ACSL3: variants seen among roughly 807,000 people sequenced by gnomAD.
ACSL3 encodes acyl-CoA synthetase long chain family member 3.
In ACSL3, 34 loss-of-function variants were observed where a neutral mutation model predicts 84.7. The ratio of observed to expected loss-of-function variants is 0.40; its 90% CI spans 0.31 to 0.53. The LOEUF is 0.53. Among genes scored for constraint, ACSL3 ranks in the 20% least tolerant of loss-of-function variants. ACSL3 has a pLI of 0.48. For missense variants in ACSL3, 680 were observed against 873.1 expected, an observed-to-expected ratio of 0.78 and a Z score of 2.79; for synonymous variants, 315 against 299.4, an observed-to-expected ratio of 1.05 and a Z score of -0.54.
At chr2:222,936,834 A>G (rs1697183660) in intron 16 of ACSL3, among the ~76,000 whole-genome samples, 1 of 152,046 alleles carries the variant, frequency 6.6e-6, no homozygotes, top group Admixed American at 6.6e-5. Context: ...GACATCTTAC[A>G]TGGCGGCAGG....
chr2:222,887,398 G>A (rs1002715132), intron 1 of ACSL3, among the ~76,000 whole-genome samples: 1 of 152,184 alleles, frequency 6.6e-6, no homozygotes, highest in African/African-American at 2.4e-5. Flanking sequence ...TGCATGTACA[G>A]GTGTTTTTGT....
intron 4 of ACSL3, 125 bp downstream of exon 4, chr2:222,909,275 G>T: frequency 1.1e-6 from 1 of 928,268 alleles, no homozygotes; most frequent in Non-Finnish European, 1.6e-6. Flanking sequence ...GTGTAGGAAG[G>T]GGGCTAGACT....
At chr2:222,893,868 G>A (rs1695903555) in intron 2 of ACSL3, among the ~76,000 whole-genome samples, 1 of 151,566 alleles carries the variant, frequency 6.6e-6, no homozygotes, top group Admixed American at 6.6e-5. Flanking sequence ...GTCTTGCTCT[G>A]TTGCTCAGGC....
intron 2 of ACSL3, among the ~76,000 whole-genome samples, chr2:222,889,171 G>T (rs1695788518): frequency 6.6e-6 from 1 of 152,152 alleles, no homozygotes; most frequent in Non-Finnish European, 1.5e-5. Flanking sequence ...TACTGTTGAG[G>T]ATCAGCTAGG....
At chr2:222,906,115 C>T (rs1247128439) in intron 3 of ACSL3, among the ~76,000 whole-genome samples, 1 of 152,110 alleles carries the variant, frequency 6.6e-6, no homozygotes, top group Non-Finnish European at 1.5e-5. Context: ...TTTTCCCTCC[C>T]CTCTTCCAGG....
intron 16 of ACSL3, among the ~76,000 whole-genome samples, chr2:222,939,977 A>T (rs1419323165): frequency 6.6e-6 from 1 of 152,246 alleles, no homozygotes; most frequent in Non-Finnish European, 1.5e-5. Flanking sequence ...CATTTTTAAA[A>T]GAATGTTTAG....
chr2:222,894,932 C>T (rs1238371581), intron 2 of ACSL3, among the ~76,000 whole-genome samples: 1 of 152,026 alleles, frequency 6.6e-6, no homozygotes, highest in African/African-American at 2.4e-5. Flanking sequence ...TGCCATGTCT[C>T]CCAGGTGTGT....
rs748579096 is a variant in ACSL3 at position 222,933,288 on chromosome 2, C to T, written c.1847+8C>T. 2.0e-5 allele frequency: 31 copies of T among 1,576,158 alleles called. No homozygotes were observed. Among genetic ancestry groups the T allele is most frequent in the Admixed American group, 6.8e-5 (4 of 59,014 alleles). ...TTGTGCATATGCAAACAGGTAAGAACGTGGAATTCATACTACTTTTACTTA... is the reference window on the plus strand; with the variant it reads ...TTGTGCATATGCAAACAGGTAAGAATGTGGAATTCATACTACTTTTACTTA... On this transcript the variant is annotated splice_region_variant and intron_variant, in intron 15 of 16. Coordinates refer to ENST00000357430, the MANE Select transcript of ACSL3 (RefSeq NM_004457.5).
rs533516268 is a variant in ACSL3, at chr2:222,933,302, T to A, written c.1847+22T>A. 24 of 1,513,960 alleles carry A rather than the reference T, an allele frequency of 1.6e-5. No individual in the cohort carries two copies. The Admixed American group carries it at 1.7e-4, about 11-fold the overall frequency. 93.8% of individuals were successfully genotyped at this position (1,513,960 alleles called of 1,614,324 possible). A position where few individuals can be genotyped will look rare whatever the true frequency, so the allele number is the denominator to read the frequency against. ...ACAGGTAAGAACGTGGAATTCATAC[T>A]ACTTTTACTTAAAATATTTGATGTC... On this transcript the variant is annotated intron_variant, in intron 15 of 16. Transcript: ENST00000357430.
At chr2:222,930,905 A>T (rs1287770245) in intron 14 of ACSL3, 93 bp downstream of exon 14, 5 of 1,128,390 alleles carry the variant, frequency 4.4e-6, no homozygotes, top group Admixed American at 2.5e-5. Flanking sequence ...GAATAATATA[A>T]ATCTTTATGT....
intron 1 of ACSL3, among the ~76,000 whole-genome samples, chr2:222,883,720 A>G (rs1165548998): frequency 6.7e-6 from 1 of 149,894 alleles, no homozygotes; most frequent in Non-Finnish European, 1.5e-5. Flanking sequence ...TATTTCTGGA[A>G]CTCCTTGTAA....
chr2:222,922,593 A>G, intron 8 of ACSL3, 115 bp from the exon 9 acceptor site: 1 of 1,298,662 alleles, frequency 7.7e-7, no homozygotes, highest in African/African-American at 1.5e-5. Flanking sequence ...ACACTTGACC[A>G]GCAAATTGAT....
chr2:222,862,860 T>C (rs1267323088), intron 1 of ACSL3, among the ~76,000 whole-genome samples: 1 of 152,206 alleles, frequency 6.6e-6, no homozygotes, highest in African/African-American at 2.4e-5. Flanking sequence ...TTAAATATTC[T>C]GAGGGTCTAA....
chr2:222,921,549 G>A, intron 8 of ACSL3, 119 bp downstream of exon 8: 4 of 973,090 alleles, frequency 4.1e-6, no homozygotes, highest in Admixed American at 2.6e-5. Flanking sequence ...TTTGTAGTAG[G>A]CATTTCCTTA....
rs747248375 is a variant in ACSL3 at position 222,918,053 on chromosome 2, A to G, written c.564A>G (p.Thr188=). 5 of 1,608,664 alleles carry G rather than the reference A, an allele frequency of 3.1e-6. No homozygotes were observed. Among genetic ancestry groups the G allele is most frequent in the Non-Finnish European group, 4.2e-6 (5 of 1,176,990 alleles). ...ACFMYNFQLV[T]LYATLGGPAI... ...TGCTGCTTTTCCTTTTAGTTGTTAC[A>G]TTATATGCCACTCTAGGAGGTCCAG... Residue 188 remains threonine, a synonymous_variant, in exon 6 of 17, where the codon ACA becomes ACG. Coordinates refer to ENST00000357430, the MANE Select transcript of ACSL3 (RefSeq NM_004457.5).
intron 3 of ACSL3, among the ~76,000 whole-genome samples, chr2:222,905,879 T>C (rs71423731): frequency 5.9e-5 from 9 of 152,126 alleles, no homozygotes; most frequent in East Asian, 1.9e-4. Context: ...TTTTTTTTTT[T>C]CCAGAGTGCT....
intron 3 of ACSL3, among the ~76,000 whole-genome samples, chr2:222,901,496 A>G (rs1017070229): frequency 1.5e-3 from 38 of 25,832 alleles, no homozygotes; most frequent in African/African-American, 9.9e-3. Context: ...AAGTCATCCA[A>G]GTTTGTTCTT....
At chr2:222,868,002 AT>A (rs1695200415) in intron 1 of ACSL3, among the ~76,000 whole-genome samples, 1 of 151,466 alleles carries the variant, frequency 6.6e-6, no homozygotes, top group African/African-American at 2.4e-5. Flanking sequence ...TTAAATAAAA[AT>A]ATCTTAAAAT....
chr2:222,888,078 G>T (rs1015594184), intron 2 of ACSL3, among the ~76,000 whole-genome samples, 190 bp downstream of exon 2: 3 of 152,106 alleles, frequency 2.0e-5, no homozygotes, highest in African/African-American at 7.2e-5. Flanking sequence ...ATGTCATTGA[G>T]CAGTATTGTC....
Sources: allele counts gnomAD v4.1 joint callset (sites outside exome capture counted in the v4.1 genomes callset), GRCh38; gene constraint gnomAD v4.1.1; transcripts MANE v1.5; gene names NCBI Gene and HGNC (gene_info 2026-07-23, HGNC 2026-07-21).